Variants in RIF1 observed in about 807,000 individuals in gnomAD.
The protein encoded by RIF1 is replication timing regulatory factor 1.
RIF1 carries 45 observed loss-of-function variants against 247.1 expected under a neutral mutation model. The observed-to-expected ratio is 0.18, with a 90% CI of 0.14 to 0.23. The LOEUF is 0.23. RIF1 is among the 10% of genes least tolerant of loss of function. The pLI is 1.00. For missense variants in RIF1, 2,967 were observed against 2,862.5 expected (o/e 1.04, Z -0.83); for synonymous variants, 1,087 against 978.8 (o/e 1.11, Z -2.06).
chr2:151,490,196 A>G, intron 9 of RIF1: 1 of 1,171,710 alleles, frequency 8.5e-7, no homozygotes, highest in South Asian at 1.6e-5. Context: ...CAAAAAGAGA[A>G]ATCAAAGAAA....
At chr2:151,471,343 TC>T (rs1405339823) in intron 34 of RIF1, among the ~76,000 whole-genome samples, 5 of 152,224 alleles carry the variant, frequency 3.3e-5, no homozygotes, top group Non-Finnish European at 5.9e-5. Flanking sequence ...GATGGTAGTT[TC>T]TTTTGCTGTG....
intron 20 of RIF1, among the ~76,000 whole-genome samples, chr2:151,451,245 C>G (rs2152436579): frequency 6.6e-6 from 1 of 152,176 alleles, no homozygotes; most frequent in East Asian, 1.9e-4. Context: ...TACACAAATA[C>G]ATACCATTTT....
In RIF1 at chr2:151,409,917, C is replaced by T. The variant is rs1301970360; in HGVS notation, c.-127C>T. 4.3e-6 allele frequency: 3 copies of T among 699,760 alleles called. No individual in the cohort carries two copies. Among genetic ancestry groups the T allele is most frequent in the Non-Finnish European group, 7.8e-6 (3 of 383,640 alleles). The allele number at this position is 699,760 out of a possible 1,614,324, so 43.3% of individuals were successfully genotyped here. ...GGGCCCGCCCAGCCGCCATCTTGGT[C>T]TAGGAGGGAGCGCGCCGCACGCGTG... On this transcript the variant is annotated 5_prime_UTR_variant, in exon 1 of 36. Transcript: ENST00000444746.
At position 151,464,773 on chromosome 2, in the gene RIF1, T is replaced by C. The variant is rs754710249; in HGVS notation, c.5253T>C (p.Asn1751=). The part of the protein sequence containing the change: ...PQEKSLIGLK[N]TENNDVEISE... Reference sequence around the variant, plus strand: ...AAAAGTCACTCATTGGGTTAAAGAATACAGAAAATAATGACGTAGAGATTA... The same window carrying C: ...AAAAGTCACTCATTGGGTTAAAGAACACAGAAAATAATGACGTAGAGATTA... Residue 1751 remains asparagine, a synonymous_variant, in exon 30 of 36, where the codon AAT becomes AAC. Coordinates refer to ENST00000444746, the MANE Select transcript of RIF1 (RefSeq NM_018151.5). The C allele has an allele frequency of 8.1e-6, 13 of 1,613,706 alleles. No homozygotes were observed. Among genetic ancestry groups the C allele is most frequent in the Non-Finnish European group, 8.5e-6 (10 of 1,179,904 alleles).
At position 151,477,051 on chromosome 2, in the gene RIF1, A is replaced by T. The variant is rs1241166247; in HGVS notation, c.*1980A>T. 1 of 152,252 alleles carries T rather than the reference A, an allele frequency of 6.6e-6. No individual in the cohort carries two copies. The highest frequency in any genetic ancestry group is 2.4e-5 in the African/African-American group (1 of 41,466). 9.4% of individuals were successfully genotyped at this position (152,252 alleles called of 1,614,324 possible). A position where few individuals can be genotyped will look rare whatever the true frequency, so the allele number is the denominator to read the frequency against. On this transcript the variant is annotated 3_prime_UTR_variant, in exon 36 of 36. Transcript: ENST00000444746. ...CACTGAATTTTATATAAGCACAAGT[A>T]TTAATTTTAAAAACATTATAGTTTA...
intron 7 of RIF1, among the ~76,000 whole-genome samples, chr2:151,422,223 CTG>C (rs913750643): frequency 2.6e-5 from 4 of 151,972 alleles, no homozygotes; most frequent in Non-Finnish European, 2.9e-5. Flanking sequence ...TTTCACGTGT[CTG>C]TTGATTATGA....
chr2:151,432,295 C>T (rs1302736199), intron 9 of RIF1, among the ~76,000 whole-genome samples: 1 of 152,204 alleles, frequency 6.6e-6, no homozygotes, highest in Admixed American at 6.5e-5. Flanking sequence ...TAGGCGTGAA[C>T]CACCACGCCC....
chr2:151,490,419 T>C (rs1302311497), intron 9 of RIF1: 1 of 1,599,568 alleles, frequency 6.3e-7, no homozygotes. Context: ...CGAAAGGTGG[T>C]GGTCTGGTGC....
intron 11 of RIF1, 134 bp downstream of exon 11, chr2:151,435,714 A>G (rs1413978180): frequency 3.5e-6 from 2 of 575,234 alleles, no homozygotes; most frequent in African/African-American, 3.7e-5. Context: ...GAAGCACTTC[A>G]TAATTTTTAG....
At chr2:151,496,914 A>T in intron 10 of RIF1, 1 of 1,515,790 alleles carries the variant, frequency 6.6e-7, no homozygotes, top group Non-Finnish European at 9.0e-7. Flanking sequence ...ATCAGTAAGT[A>T]GTTTTTTTCT....
Position 151,468,156 on chromosome 2 carries a change from A to G in RIF1, c.6747+10A>G, listed in dbSNP as rs1251446728. ...TACTACACAATCTAAGGTAAGCTATAGGCTTTAAAATATACATATATGTAT... is the reference window on the plus strand; with the variant it reads ...TACTACACAATCTAAGGTAAGCTATGGGCTTTAAAATATACATATATGTAT... On this transcript the variant is annotated intron_variant, in intron 31 of 35. Transcript: ENST00000444746. 1 of 1,599,352 alleles carries G rather than the reference A, an allele frequency of 6.3e-7. No individual in the cohort carries two copies. The highest frequency in any genetic ancestry group is 1.7e-5 in the Admixed American group (1 of 58,306).
intron 9 of RIF1, chr2:151,491,665 CT>C: frequency 7.1e-6 from 11 of 1,547,346 alleles, no homozygotes; most frequent in East Asian, 2.3e-5. Context: ...TGTTGTAAGC[CT>C]TTTTCAGCTA....
chr2:151,488,609 A>G (rs1482862518), intron 9 of RIF1, among the ~76,000 whole-genome samples: 3 of 152,130 alleles, frequency 2.0e-5, no homozygotes, highest in African/African-American at 7.2e-5. Context: ...TCATGCCACC[A>G]CACTGCAGCC....
downstream of RIF1, chr2:151,512,849 C>T (rs752982584): frequency 2.6e-6 from 4 of 1,567,960 alleles, no homozygotes; most frequent in Non-Finnish European, 3.5e-6. Flanking sequence ...TGTAAAACAA[C>T]ACCGAATAGT....
intron 10 of RIF1, chr2:151,496,831 AG>A: frequency 7.8e-7 from 1 of 1,277,186 alleles, no homozygotes; most frequent in Non-Finnish European, 1.1e-6. Flanking sequence ...TGCTAAAGAA[AG>A]AAGTTCACAA....
At chr2:151,458,051 G>T in intron 24 of RIF1, 88 bp downstream of exon 24, 1 of 922,200 alleles carries the variant, frequency 1.1e-6, no homozygotes, top group Admixed American at 2.2e-5. Flanking sequence ...CTTTTCTTAT[G>T]GGGTATTGTT....
chr2:151,464,770 G>T lies in RIF1; in HGVS notation c.5250G>T (p.Lys1750Asn), dbSNP rs751558102. Residue 1750 changes from lysine (K) to asparagine (N), a missense_variant, in exon 30 of 36, where the codon AAG becomes AAT. Coordinates refer to ENST00000444746, the MANE Select transcript of RIF1 (RefSeq NM_018151.5). ...AGGAAAAGTCACTCATTGGGTTAAA[G>T]AATACAGAAAATAATGACGTAGAGA... The part of the protein sequence containing the change: ...QPQEKSLIGL[K>N]NTENNDVEIS... 1.1e-5 allele frequency: 18 copies of T among 1,613,798 alleles called. No homozygotes were observed. The Admixed American group carries it at 3.0e-4, about 27-fold the overall frequency.
At chr2:151,529,356 C>T in the RIF1 span, 1 of 1,242,988 alleles carries the variant, frequency 8.0e-7, no homozygotes, top group Non-Finnish European at 1.2e-6. Context: ...TTTTTTATAG[C>T]AGCATACTGA....
intron 10 of RIF1, among the ~76,000 whole-genome samples, chr2:151,433,600 G>T (rs527919715): frequency 4.0e-4 from 61 of 152,044 alleles, no homozygotes; most frequent in Middle Eastern, 3.4e-3. Flanking sequence ...GACTGCAGGC[G>T]CACGACCACA....
Sources: gnomAD v4.1 joint callset for allele counts (sites outside exome capture counted in the v4.1 genomes callset) on GRCh38, gnomAD v4.1.1 for gene constraint, MANE v1.5 for transcripts, NCBI Gene and HGNC (gene_info 2026-07-23, HGNC 2026-07-21) for gene names.